Variants in AKIRIN1 observed in about 807,000 individuals in gnomAD.
The protein encoded by AKIRIN1 is akirin 1.
A neutral mutation model predicts 25.9 loss-of-function variants in AKIRIN1; 4 were observed. That is an observed-to-expected ratio of 0.15 (90% CI 0.08 to 0.35). AKIRIN1 has a LOEUF of 0.35. AKIRIN1 is among the 10% of genes least tolerant of loss of function. AKIRIN1 has a pLI of 1.00. For missense variants in AKIRIN1, 243 were observed against 266.1 expected, an observed-to-expected ratio of 0.91 and a Z score of 0.61; for synonymous variants, 125 against 105.1, an observed-to-expected ratio of 1.19 and a Z score of -1.16.
At chr1:38,993,315 A>G (rs370766854) in intron 1 of AKIRIN1, among the ~76,000 whole-genome samples, 3 of 150,568 alleles carry the variant, frequency 2.0e-5, no homozygotes, top group Non-Finnish European at 3.0e-5. Flanking sequence ...TCGGGAGGCC[A>G]TGGTGGGTGG....
At chr1:38,992,182 C>T (rs4660651) in intron 1 of AKIRIN1, among the ~76,000 whole-genome samples, 71,654 of 151,544 alleles carry the variant, frequency 0.47, 17,531 homozygotes, top group Middle Eastern at 0.64. Context: ...TGGCTATTGC[C>T]TCGTACCATA....
chr1:38,994,019 G>A (rs959340709), intron 1 of AKIRIN1, among the ~76,000 whole-genome samples: 7 of 151,014 alleles, frequency 4.6e-5, no homozygotes, highest in Non-Finnish European at 8.8e-5. Flanking sequence ...GCGGTAAGCC[G>A]AGATCCGGCC....
intron 1 of AKIRIN1, among the ~76,000 whole-genome samples, chr1:38,992,055 C>A (rs927586709): frequency 1.3e-5 from 2 of 152,128 alleles, no homozygotes; most frequent in African/African-American, 2.4e-5. Context: ...GCTGTTTAGC[C>A]CTGTAGGGAG....
At chr1:39,003,149 G>A (rs1038575269) in intron 3 of AKIRIN1, among the ~76,000 whole-genome samples, 198 bp from the exon 4 acceptor site, 2 of 152,120 alleles carry the variant, frequency 1.3e-5, no homozygotes, top group Admixed American at 6.5e-5. Context: ...AGAAGCCAAG[G>A]ATTTGGCTCT....
intron 1 of AKIRIN1, among the ~76,000 whole-genome samples, chr1:38,996,897 C>T (rs1237737305): frequency 6.6e-6 from 1 of 152,200 alleles, no homozygotes; most frequent in Non-Finnish European, 1.5e-5. Context: ...GGGACTTTGA[C>T]TATGTGTGGA....
At chr1:38,993,754 CATA>C (rs376001785) in intron 1 of AKIRIN1, among the ~76,000 whole-genome samples, 14 of 151,864 alleles carry the variant, frequency 9.2e-5, no homozygotes, top group African/African-American at 3.4e-4. Flanking sequence ...GTCTGTGCAA[CATA>C]ATGAGACCTT....
chr1:39,004,058 C>T lies in AKIRIN1; in HGVS notation c.*3C>T, dbSNP rs1200053251. 3 of 1,611,306 alleles carry T rather than the reference C, an allele frequency of 1.9e-6. No homozygotes were observed. The highest frequency in any genetic ancestry group is 2.5e-6 in the Non-Finnish European group (3 of 1,177,596). On this transcript the variant is annotated 3_prime_UTR_variant, in exon 5 of 5. Coordinates refer to ENST00000432648, the MANE Select transcript of AKIRIN1 (RefSeq NM_024595.3). ...CTTAATTTACAGATGTGTCATGAAG[C>T]TTTGTCACATATCTGGGTACCAGGT...
rs1488690045 is a variant in AKIRIN1, at chr1:39,004,078, C to T, written c.*23C>T. 2 of 1,609,326 alleles carry T rather than the reference C, an allele frequency of 1.2e-6. No individual in the cohort carries two copies. Among genetic ancestry groups the T allele is most frequent in the South Asian group, 1.1e-5 (1 of 90,962 alleles). On this transcript the variant is annotated 3_prime_UTR_variant, in exon 5 of 5. Transcript: ENST00000432648. ...TGAAGCTTTGTCACATATCTGGGTA[C>T]CAGGTTTGACCTCAAGAGATGGCTG...
chr1:39,003,086 C>T (rs72940812), intron 3 of AKIRIN1, among the ~76,000 whole-genome samples: 173 of 152,180 alleles, frequency 1.1e-3, no homozygotes, highest in African/African-American at 4.0e-3. Flanking sequence ...AGTTATGTCA[C>T]GGGGGAGAGG....
chr1:39,002,518 C>T (rs886941267), intron 3 of AKIRIN1, among the ~76,000 whole-genome samples: 2 of 152,148 alleles, frequency 1.3e-5, no homozygotes, highest in Non-Finnish European at 2.9e-5. Flanking sequence ...ATTACAAGGT[C>T]AGGAGATCGA....
At chr1:38,993,200 ACTACTATCCTCTAGACTAATT>A (rs1643922216) in intron 1 of AKIRIN1, among the ~76,000 whole-genome samples, 1 of 152,218 alleles carries the variant, frequency 6.6e-6, no homozygotes, top group African/African-American at 2.4e-5. Flanking sequence ...TTTATTCAAT[ACTACTATCCTCTAGACTAATT>A]TGGTTGTAGT....
rs759259138 is a variant in AKIRIN1, at chr1:39,004,128, G to A, written c.*73G>A. ...GCTGTACACTTTTTGCAACTGGTTTGATGTCACATTTCAGCTCCAACTTTG... is the reference window on the plus strand; with the variant it reads ...GCTGTACACTTTTTGCAACTGGTTTAATGTCACATTTCAGCTCCAACTTTG... On this transcript the variant is annotated 3_prime_UTR_variant, in exon 5 of 5. Transcript: ENST00000432648. 1 of 1,504,144 alleles carries A rather than the reference G, an allele frequency of 6.6e-7. No individual in the cohort carries two copies. Among genetic ancestry groups the A allele is most frequent in the Non-Finnish European group, 9.3e-7 (1 of 1,080,062 alleles). 93.2% of individuals were successfully genotyped at this position (1,504,144 alleles called of 1,614,324 possible).
chr1:38,992,550 C>T (rs1643914413), intron 1 of AKIRIN1, among the ~76,000 whole-genome samples: 1 of 152,132 alleles, frequency 6.6e-6, no homozygotes, highest in Non-Finnish European at 1.5e-5. Context: ...GTAGCAGTGC[C>T]TTCAGGTTTC....
Position 39,000,964 on chromosome 1 carries a change from T to C in AKIRIN1, c.362-8T>C, listed in dbSNP as rs1275451205. 6.2e-7 allele frequency: 1 copy of C among 1,606,128 alleles called. No homozygotes were observed. Among genetic ancestry groups the C allele is most frequent in the South Asian group, 1.1e-5 (1 of 90,122 alleles). On this transcript the variant is annotated splice_region_variant and splice_polypyrimidine_tract_variant and intron_variant, in intron 2 of 4. Coordinates refer to ENST00000432648, the MANE Select transcript of AKIRIN1 (RefSeq NM_024595.3). ...ACCTGGCCCAAACTCACTTTTTCTT[T>C]TGGCCAGGTTCCTCATGGATGAAGA...
Position 39,001,196 on chromosome 1 carries a change from C to T in AKIRIN1, c.496+90C>T. On this transcript the variant is annotated intron_variant, in intron 3 of 4. Transcript: ENST00000432648. ...ATAACTTAGAAAAAGAGAGTAGGAC[C>T]TCATGCAAGGGAGTTTATTGAGTTG... The T allele has an allele frequency of 2.1e-6, 3 of 1,453,940 alleles. No homozygotes were observed. In the African/African-American group the frequency reaches 4.3e-5, roughly 21 times the overall value. 90.1% of individuals were successfully genotyped at this position (1,453,940 alleles called of 1,614,324 possible). A position where few individuals can be genotyped will look rare whatever the true frequency, so the allele number is the denominator to read the frequency against.
chr1:38,997,952 T>C (rs1643959631), intron 1 of AKIRIN1, among the ~76,000 whole-genome samples: 1 of 152,154 alleles, frequency 6.6e-6, no homozygotes, highest in Non-Finnish European at 1.5e-5. Context: ...GTTGAAATAG[T>C]GGCAATAAGA....
At chr1:39,003,840 A>G (rs1405664595) in intron 4 of AKIRIN1, among the ~76,000 whole-genome samples, 1 of 152,252 alleles carries the variant, frequency 6.6e-6, no homozygotes, top group African/African-American at 2.4e-5. Context: ...TGCAACTACC[A>G]GATATTCAAA....
chr1:39,001,087 C>A lies in AKIRIN1; in HGVS notation c.477C>A (p.Ile159=), dbSNP rs1376066618. ...AAATTCGGGAGGAGTATGAGCAAAT[C>A]CTCAATACCAAACTAGCAGGTAGGC... ...EDKIREEYEQ[I]LNTKLAEQYE... Residue 159 remains isoleucine, a synonymous_variant, in exon 3 of 5, where the codon ATC becomes ATA. Coordinates refer to ENST00000432648, the MANE Select transcript of AKIRIN1 (RefSeq NM_024595.3). 5 of 1,612,356 alleles carry A rather than the reference C, an allele frequency of 3.1e-6. No homozygotes were observed. The highest frequency in any genetic ancestry group is 3.4e-6 in the Non-Finnish European group (4 of 1,179,258).
In AKIRIN1 at chr1:38,991,502, C is replaced by T; in HGVS notation, c.122C>T (p.Pro41Leu). ...LPGPTPGLRPPDAEPPPPFQT... is the reference protein window; with the variant it reads ...LPGPTPGLRPLDAEPPPPFQT... ...GGCCCCACTCCGGGCCTCAGGCCCCCGGACGCCGAGCCGCCGCCGCCGTTT... is the reference window on the plus strand; with the variant it reads ...GGCCCCACTCCGGGCCTCAGGCCCCTGGACGCCGAGCCGCCGCCGCCGTTT... Residue 41 changes from proline to leucine, a missense_variant, in exon 1 of 5, where the codon CCG (proline) becomes CTG (leucine). Pro to Leu is a moderately conservative substitution (Grantham distance 98). This residue lies in a region of AKIRIN1 where 190 missense variants were observed against 174.4 expected (regional missense o/e 1.09). Transcript: ENST00000432648. The T allele has an allele frequency of 6.9e-7, 1 of 1,451,168 alleles. No homozygotes were observed. The highest frequency in any genetic ancestry group is 9.0e-7 in the Non-Finnish European group (1 of 1,106,518). 89.9% of individuals were successfully genotyped at this position (1,451,168 alleles called of 1,614,324 possible).
Sources: gnomAD v4.1 joint callset for allele counts (sites outside exome capture counted in the v4.1 genomes callset) on GRCh38, gnomAD v4.1.1 for gene constraint, gnomAD v4.1.1 regional missense constraint, MANE v1.5 for transcripts, NCBI Gene and HGNC (gene_info 2026-07-23, HGNC 2026-07-21) for gene names.